Variants in GABBR2 observed in about 807,000 individuals in gnomAD.
GABBR2 encodes the protein G-protein coupled receptor 51.
A neutral mutation model predicts 105.6 loss-of-function variants in GABBR2; 23 were observed. The observed-to-expected ratio is 0.22, with a 90% CI of 0.16 to 0.31. GABBR2 has a LOEUF of 0.31. Among genes scored for constraint, GABBR2 ranks in the 10% least tolerant of loss-of-function variants. The pLI is 1.00. For synonymous variants in GABBR2, 478 were observed against 499.7 expected (o/e 0.96, Z 0.58); for missense variants, 734 against 1,245.5 (o/e 0.59, Z 6.18).
intron 17 of GABBR2, among the ~76,000 whole-genome samples, chr9:98,296,567 C>T (rs1273653697): frequency 2.0e-5 from 3 of 152,092 alleles, no homozygotes; most frequent in East Asian, 3.9e-4. Context: ...CTCTGATCTT[C>T]GCCAGTCTTT....
rs1825874882 is a variant in GABBR2, at chr9:98,434,939, G to A, written c.1236+19042C>T. ...TCACACTGTTCTGTAGGTAGGGGCA[G>A]CACACAAGGAGGTTTTCTTAATGTT... is the stretch of plus-strand genomic sequence containing the variant. On this transcript the variant is annotated intron_variant, in intron 7 of 18. Coordinates refer to ENST00000259455, the MANE Select transcript of GABBR2 (RefSeq NM_005458.8). Among the ~76,000 whole-genome samples, 5 of 152,172 alleles carry A rather than the reference G, an allele frequency of 3.3e-5. No individual in the cohort carries two copies. In the South Asian group the frequency reaches 1.0e-3, roughly 31 times the overall value.
intron 15 of GABBR2, among the ~76,000 whole-genome samples, chr9:98,304,017 G>A (rs1278841345): frequency 3.9e-5 from 6 of 152,182 alleles, no homozygotes; most frequent in Non-Finnish European, 8.8e-5. Flanking sequence ...ACCCTTACCC[G>A]CTTATTCTAG....
Position 98,657,918 on chromosome 9 carries a change from G to A in GABBR2, c.321+50499C>T, listed in dbSNP as rs546132112. Reference sequence around the variant, plus strand: ...CTTCTGCCATGACTGTAAGTTTCCCGAGGCCTTCCCAGCAATGGGAAACTG... The same window carrying A: ...CTTCTGCCATGACTGTAAGTTTCCCAAGGCCTTCCCAGCAATGGGAAACTG... On this transcript the variant is annotated intron_variant, in intron 1 of 18. Coordinates refer to ENST00000259455, the MANE Select transcript of GABBR2 (RefSeq NM_005458.8). Among the ~76,000 whole-genome samples, 75 of 152,072 alleles carry A rather than the reference G, an allele frequency of 4.9e-4. 1 individual carries two copies. Among genetic ancestry groups the A allele is most frequent in the East Asian group, 3.9e-4 (2 of 5,176 alleles).
intron 3 of GABBR2, among the ~76,000 whole-genome samples, chr9:98,525,589 A>C (rs1325272164): frequency 6.6e-6 from 1 of 152,216 alleles, no homozygotes; most frequent in African/African-American, 2.4e-5. Context: ...CATTGATGCA[A>C]ACCAGAAAAT....
intron 7 of GABBR2, among the ~76,000 whole-genome samples, chr9:98,418,257 G>T (rs1217664966): frequency 1.3e-5 from 2 of 152,152 alleles, no homozygotes; most frequent in African/African-American, 4.8e-5. Context: ...GTGGGAGGGA[G>T]GCTGGGCATG....
At chr9:98,597,867 T>C (rs1829260670) in intron 1 of GABBR2, among the ~76,000 whole-genome samples, 1 of 152,146 alleles carries the variant, frequency 6.6e-6, no homozygotes, top group Non-Finnish European at 1.5e-5. Context: ...TCTCCCAGGC[T>C]GGAGTGCAGT....
chr9:98,650,079 G>A (rs1400276077), intron 1 of GABBR2, among the ~76,000 whole-genome samples: 1 of 152,162 alleles, frequency 6.6e-6, no homozygotes, highest in African/African-American at 2.4e-5. Flanking sequence ...AACTTATCAG[G>A]TGTGGTCTTG....
chr9:98,648,227 G>T (rs964239832), intron 1 of GABBR2, among the ~76,000 whole-genome samples: 3 of 152,106 alleles, frequency 2.0e-5, no homozygotes, highest in South Asian at 2.1e-4. Flanking sequence ...TGCCTCCTGG[G>T]TTCAAGCCAT....
At chr9:98,587,534 G>A (rs1829094980) in intron 1 of GABBR2, among the ~76,000 whole-genome samples, 1 of 152,214 alleles carries the variant, frequency 6.6e-6, no homozygotes, top group African/African-American at 2.4e-5. Context: ...AATGGAGGAG[G>A]ACTTGTGGTA....
intron 3 of GABBR2, among the ~76,000 whole-genome samples, chr9:98,513,581 C>G (rs1200310175): frequency 6.6e-6 from 1 of 151,782 alleles, no homozygotes; most frequent in Non-Finnish European, 1.5e-5. Context: ...ACAACCCCAT[C>G]AAAAAGTGGG....
intron 13 of GABBR2, among the ~76,000 whole-genome samples, chr9:98,327,063 C>G (rs2131384376): frequency 6.6e-6 from 1 of 152,300 alleles, no homozygotes; most frequent in African/African-American, 2.4e-5. Flanking sequence ...CTAAACGCTT[C>G]TTTTGAAGAT....
intron 13 of GABBR2, among the ~76,000 whole-genome samples, chr9:98,359,140 A>C (rs1831538073): frequency 6.6e-6 from 1 of 152,240 alleles, no homozygotes; most frequent in African/African-American, 2.4e-5. Context: ...CTTATGACAT[A>C]TAAATGGCTG....
chr9:98,313,766 G>C lies in GABBR2; in HGVS notation c.1894-2561C>G, dbSNP rs377642728. 1.8e-3 allele frequency among the ~76,000 whole-genome samples: 103 copies of C among 56,852 alleles called. 1 individual carries two copies. Among genetic ancestry groups the C allele is most frequent in the African/African-American group, 0.012 (99 of 7,946 alleles). The allele number at this position is 56,852 out of a possible 152,430, so 37.3% of individuals were successfully genotyped here. On this transcript the variant is annotated intron_variant, in intron 13 of 18. Coordinates refer to ENST00000259455, the MANE Select transcript of GABBR2 (RefSeq NM_005458.8). ...CCCCAGGGTCAATCACTAGGAAGAA[G>C]GTACTTTGATGGGACCCAGGGGTAG...
At chr9:98,371,422 G>A (rs781760959) in intron 12 of GABBR2, 42 bp downstream of exon 12, 3 of 1,037,950 alleles carry the variant, frequency 2.9e-6, no homozygotes, top group Non-Finnish European at 4.6e-6. Flanking sequence ...TAAATGCTGG[G>A]TGAACACTAC....
rs1274162480 is a variant in GABBR2 at position 98,394,183 on chromosome 9, C to A, written c.1370G>T (p.Arg457Met). ...DTLEIINDTI[R>M]FQGSEPPKDK... ...AAGCCCACCTGCCTTACCTTGGAAC[C>A]TGATGGTGTCATTGATGATCTCCAG... The change falls in exon 9 of 19, where the codon AGG (arginine) becomes ATG (methionine). Residue 457 changes from arginine to methionine, a missense_variant. This residue lies in a region of GABBR2 where 370 missense variants were observed against 648.9 expected (regional missense o/e 0.57). Coordinates refer to ENST00000259455, the MANE Select transcript of GABBR2 (RefSeq NM_005458.8). The A allele has an allele frequency of 1.2e-6, 2 of 1,612,390 alleles. No individual in the cohort carries two copies. The highest frequency in any genetic ancestry group is 4.5e-5 in the East Asian group (2 of 44,892).
At chr9:98,598,478 A>C (rs948751367) in intron 1 of GABBR2, among the ~76,000 whole-genome samples, 6 of 152,208 alleles carry the variant, frequency 3.9e-5, no homozygotes, top group African/African-American at 9.7e-5. Flanking sequence ...TGGCGGGTGC[A>C]GTCAGCTGAA....
intron 7 of GABBR2, among the ~76,000 whole-genome samples, chr9:98,410,709 T>C (rs987190914): frequency 2.6e-5 from 4 of 151,928 alleles, no homozygotes; most frequent in Non-Finnish European, 5.9e-5. Context: ...CCTGTCTACC[T>C]GGGCTTTCCC....
intron 6 of GABBR2, among the ~76,000 whole-genome samples, chr9:98,465,146 A>AG (rs1491075561): frequency 7.9e-6 from 1 of 127,370 alleles, no homozygotes; most frequent in East Asian, 2.1e-4. Flanking sequence ...AAAAAAAAAA[A>AG]AGAAAAATTA....
At chr9:98,606,417 T>C (rs1302314327) in intron 1 of GABBR2, among the ~76,000 whole-genome samples, 2 of 152,058 alleles carry the variant, frequency 1.3e-5, no homozygotes, top group Non-Finnish European at 2.9e-5. Flanking sequence ...GGTAAATACA[T>C]ACAAACTGCT....
Sources: allele counts gnomAD v4.1 joint callset (sites outside exome capture counted in the v4.1 genomes callset), GRCh38; gene constraint gnomAD v4.1.1; regional missense constraint gnomAD v4.1.1; transcripts MANE v1.5; gene names NCBI Gene and HGNC (gene_info 2026-07-23, HGNC 2026-07-21).